The following KIF1A variants were observed in gnomAD, a reference collection of about 807,000 sequenced individuals.
KIF1A encodes kinesin family member 1A, also known as kinesin-like protein KIF1A.
In KIF1A, 46 loss-of-function variants were observed where a neutral mutation model predicts 227.3. That is an observed-to-expected ratio of 0.20 (90% CI 0.16 to 0.26). The LOEUF is 0.26. Ranked by LOEUF, KIF1A falls within the 10% of genes least tolerant of loss-of-function variation. The pLI is 1.00. For synonymous variants in KIF1A, 1,022 were observed against 1,012.8 expected, an observed-to-expected ratio of 1.01 and a Z score of -0.17; for missense variants, 1,683 against 2,485.9, an observed-to-expected ratio of 0.68 and a Z score of 6.87.
chr2:240,805,109 GAGGGAGAGGGGAGGGA>G (rs2057302749), intron 1 of KIF1A, among the ~76,000 whole-genome samples: 1 of 75,280 alleles, frequency 1.3e-5, no homozygotes. Flanking sequence ...AGAGGGGAGG[GAGGGAGAGGGGAGGGA>G]GGGCGGAGGG....
intron 34 of KIF1A, among the ~76,000 whole-genome samples, chr2:240,742,043 T>C (rs2125760418): frequency 6.6e-6 from 1 of 152,314 alleles, no homozygotes; most frequent in East Asian, 1.9e-4. Context: ...GAGGACTGAA[T>C]CTCAGGGAAC....
chr2:240,802,090 C>A, intron 1 of KIF1A, among the ~76,000 whole-genome samples: 1 of 120,052 alleles, frequency 8.3e-6, no homozygotes. Context: ...AGCTTAAAGT[C>A]AGCCAGAAAA....
chr2:240,754,063 C>T (rs996832356), intron 27 of KIF1A, among the ~76,000 whole-genome samples: 1 of 152,224 alleles, frequency 6.6e-6, no homozygotes, highest in Non-Finnish European at 1.5e-5. Flanking sequence ...GGACTGTCCT[C>T]ATGCTGGGGG....
chr2:240,800,896 C>A (rs181712083), intron 1 of KIF1A, among the ~76,000 whole-genome samples: 1 of 152,226 alleles, frequency 6.6e-6, no homozygotes, highest in African/African-American at 2.4e-5. Context: ...ATAGCTCGGA[C>A]GAACCTTATG....
In KIF1A at chr2:240,754,064, A is replaced by G. The variant is rs188358494; in HGVS notation, c.2858+3255T>C. On this transcript the variant is annotated intron_variant, in intron 27 of 48. Coordinates refer to ENST00000498729, the MANE Select transcript of KIF1A (RefSeq NM_001244008.2). ...TTTCATGCTTTTTTGGACTGTCCTC[A>G]TGCTGGGGGCTGGGAGGACCCAGAC... Among the ~76,000 whole-genome samples, 230 of 152,282 alleles carry G rather than the reference A, an allele frequency of 1.5e-3. 1 individual carries two copies. The highest frequency in any genetic ancestry group is 5.5e-3 in the African/African-American group (227 of 41,538).
At chr2:240,770,820 C>T in intron 15 of KIF1A, 151 bp downstream of exon 15, 1 of 937,866 alleles carries the variant, frequency 1.1e-6, no homozygotes. Flanking sequence ...CACTGGGCAC[C>T]TGGGTGGCCA....
chr2:240,760,802 G>T lies in KIF1A; in HGVS notation c.2307C>A (p.Ser769=). 6.2e-7 allele frequency: 1 copy of T among 1,608,116 alleles called. No homozygotes were observed. The highest frequency in any genetic ancestry group is 8.5e-7 in the Non-Finnish European group (1 of 1,177,860). The change falls in exon 25 of 49, where the codon TCC becomes TCA. Residue 769 remains serine (S), a synonymous_variant. Coordinates refer to ENST00000498729, the MANE Select transcript of KIF1A (RefSeq NM_001244008.2). ...QFVLLTDTLY[S]PLPPDLLPPE... is the part of the protein sequence containing the mutation. The stretch of plus-strand genomic sequence containing the variant: ...GGGGCAGCAGGTCGGGTGGCAGAGG[G>T]GAGTAGAGTGTGTCCGTCAGGAGGA...
chr2:240,800,344 T>C (rs549134791), intron 1 of KIF1A, among the ~76,000 whole-genome samples: 1 of 152,268 alleles, frequency 6.6e-6, no homozygotes, highest in South Asian at 2.1e-4. Context: ...CGAAGGCGGC[T>C]TGGTGGGTGC....
chr2:240,789,116 G>C lies in KIF1A; in HGVS notation c.183+120C>G. 1.3e-6 allele frequency: 1 copy of C among 770,416 alleles called. No homozygotes were observed. Among genetic ancestry groups the C allele is most frequent in the South Asian group, 1.6e-5 (1 of 62,094 alleles). 47.7% of individuals were successfully genotyped at this position (770,416 alleles called of 1,614,324 possible). A position where few individuals can be genotyped will look rare whatever the true frequency, so the allele number is the denominator to read the frequency against. ...TCAGGGTGACCTTCCAGGGGAGCAGGGTGGGGTCCTCGCCCCAGTTAGAGA... is the reference window on the plus strand; with the variant it reads ...TCAGGGTGACCTTCCAGGGGAGCAGCGTGGGGTCCTCGCCCCAGTTAGAGA... On this transcript the variant is annotated intron_variant, in intron 3 of 48. Coordinates refer to ENST00000498729, the MANE Select transcript of KIF1A (RefSeq NM_001244008.2). This position sits in a 1 kb window ranked among gnomAD's most constrained non-coding sequence, Gnocchi z 4.8.
chr2:240,751,583 T>G (rs906638079), intron 27 of KIF1A, among the ~76,000 whole-genome samples: 1 of 151,922 alleles, frequency 6.6e-6, no homozygotes, highest in East Asian at 1.9e-4. Flanking sequence ...CAGTTCCACC[T>G]CAAAAGTCTT....
intron 27 of KIF1A, among the ~76,000 whole-genome samples, chr2:240,756,589 C>T (rs914436890): frequency 6.6e-5 from 10 of 152,262 alleles, no homozygotes; most frequent in Non-Finnish European, 1.5e-4. Flanking sequence ...CACATGCCGC[C>T]ATCTCTGGCC....
intron 10 of KIF1A, 113 bp downstream of exon 10, chr2:240,782,477 C>T: frequency 8.5e-7 from 1 of 1,169,790 alleles, no homozygotes; most frequent in South Asian, 1.4e-5. Context: ...CCACGTCCCC[C>T]ATCTCCCAGC....
rs776874494 is a variant in KIF1A, at chr2:240,773,142, G to A, written c.1152C>T (p.Tyr384=). Residue 384 remains tyrosine (Y), a synonymous_variant, in exon 13 of 49, where the codon TAC becomes TAT. Coordinates refer to ENST00000498729, the MANE Select transcript of KIF1A (RefSeq NM_001244008.2). ...DEVTRLRDLL[Y]AQGLGDITDT... ...CAGTGATGTCGCCAAGACCCTGGGCGTACAGAAGGTCCCGCAGCCGGGTCA... is the reference window on the plus strand; with the variant it reads ...CAGTGATGTCGCCAAGACCCTGGGCATACAGAAGGTCCCGCAGCCGGGTCA... The A allele has an allele frequency of 1.9e-5, 30 of 1,613,618 alleles. No individual in the cohort carries two copies. Among genetic ancestry groups the A allele is most frequent in the East Asian group, 6.7e-5 (3 of 44,880 alleles).
In KIF1A at chr2:240,803,119, G is replaced by A. The variant is rs1003769441; in HGVS notation, c.-60-5307C>T. On this transcript the variant is annotated intron_variant, in intron 1 of 48. Transcript: ENST00000498729. ...CACCTACAAAACAACCCAATTGCTT[G>A]GACACTAAGCAATACAATTTTTAAA... Among the ~76,000 whole-genome samples the A allele has an allele frequency of 2.6e-5, 4 of 152,258 alleles. No homozygotes were observed. In the East Asian group the frequency reaches 5.8e-4, roughly 22 times the overall value.
chr2:240,763,357 G>C lies in KIF1A; in HGVS notation c.1769-11C>G, dbSNP rs1335285612. On this transcript the variant is annotated splice_polypyrimidine_tract_variant and intron_variant, in intron 20 of 48. Coordinates refer to ENST00000498729, the MANE Select transcript of KIF1A (RefSeq NM_001244008.2). ...TGATGATGCGGTTTCCTGGGGAACAGAGGGACAGGTGGCCTTGAGGGATGG... is the reference window on the plus strand; with the variant it reads ...TGATGATGCGGTTTCCTGGGGAACACAGGGACAGGTGGCCTTGAGGGATGG... 9 of 1,563,216 alleles carry C rather than the reference G, an allele frequency of 5.8e-6. No individual in the cohort carries two copies. In the South Asian group the frequency reaches 9.5e-5, roughly 16 times the overall value.
Position 240,797,767 on chromosome 2 carries a change from T to C in KIF1A, c.-15A>G. 6.3e-7 allele frequency: 1 copy of C among 1,575,888 alleles called. No homozygotes were observed. The highest frequency in any genetic ancestry group is 2.2e-5 in the East Asian group (1 of 44,530). On this transcript the variant is annotated 5_prime_UTR_variant, in exon 2 of 49. Transcript: ENST00000498729. ...GCCCCGGCCATCTCTGTGGCCTTCGTGGGTCACTCCTCGCAGTAGTGGGAG... is the reference window on the plus strand; with the variant it reads ...GCCCCGGCCATCTCTGTGGCCTTCGCGGGTCACTCCTCGCAGTAGTGGGAG...
At chr2:240,750,236 C>T (rs1319250082) in intron 28 of KIF1A, among the ~76,000 whole-genome samples, 193 bp downstream of exon 28, 5 of 152,196 alleles carry the variant, frequency 3.3e-5, no homozygotes, top group African/African-American at 7.2e-5. Context: ...CAGCCCGGGG[C>T]GCCAGCCCAG....
At position 240,787,722 on chromosome 2, in the gene KIF1A, CCT is replaced by C. The variant is rs1235249476; in HGVS notation, c.363+327_363+328del. ...TGTTTGGCCACCCCTGTCCTGAGCA[CCT>C]CTCTCTGCCCACACTGCCAGCCCTC... On this transcript the variant is annotated intron_variant, in intron 4 of 48. Coordinates refer to ENST00000498729, the MANE Select transcript of KIF1A (RefSeq NM_001244008.2). Among the ~76,000 whole-genome samples, 4 of 152,132 alleles carry C rather than the reference CCT, an allele frequency of 2.6e-5. 1 individual carries two copies. The highest frequency in any genetic ancestry group is 1.3e-4 in the Admixed American group (2 of 15,286).
At position 240,789,088 on chromosome 2, in the gene KIF1A, C is replaced by T. The variant is rs985969347; in HGVS notation, c.183+148G>A. 6.3e-5 allele frequency: 41 copies of T among 648,276 alleles called. No homozygotes were observed. The highest frequency in any genetic ancestry group is 1.4e-4 in the East Asian group (5 of 36,694). 40.2% of individuals were successfully genotyped at this position (648,276 alleles called of 1,614,324 possible). A position where few individuals can be genotyped will look rare whatever the true frequency, so the allele number is the denominator to read the frequency against. On this transcript the variant is annotated intron_variant, in intron 3 of 48. Transcript: ENST00000498729. This position sits in a 1 kb window ranked among gnomAD's most constrained non-coding sequence, Gnocchi z 4.8. Reference sequence around the variant, plus strand: ...CTCCATCACTGCCTTCGCTGAGGACCGCTCAGGGTGACCTTCCAGGGGAGC... The same window carrying T: ...CTCCATCACTGCCTTCGCTGAGGACTGCTCAGGGTGACCTTCCAGGGGAGC...
Sources: gnomAD v4.1 joint callset for allele counts (sites outside exome capture counted in the v4.1 genomes callset) on GRCh38, gnomAD v4.1.1 for gene constraint, Gnocchi (gnomAD v3.1) non-coding constraint, MANE v1.5 for transcripts, NCBI Gene and HGNC (gene_info 2026-07-23, HGNC 2026-07-21) for gene names.